Variants in TKT observed in about 807,000 individuals in gnomAD.
TKT encodes the protein epididymis luminal protein 107.
Under a neutral mutation model 63.9 loss-of-function variants are expected in TKT, and 47 were observed. The ratio of observed to expected loss-of-function variants is 0.74; its 90% confidence interval spans 0.58 to 0.94. TKT has a LOEUF of 0.94. Among genes scored for constraint, TKT ranks in the 40% least tolerant of loss-of-function variants. TKT has a pLI of 0.00. For synonymous variants in TKT, 338 were observed against 334.1 expected (o/e 1.01, Z -0.13); for missense variants, 721 against 846.2 (o/e 0.85, Z 1.84).
At chr3:53,234,881 T>G in intron 5 of TKT, 102 bp downstream of exon 5, 5 of 1,265,600 alleles carry the variant, frequency 4.0e-6, no homozygotes, top group Non-Finnish European at 5.4e-6. Context: ...TAGATGGTGC[T>G]TAAGGTCCCA....
chr3:53,228,160 CACAG>C lies in TKT; in HGVS notation c.1480-15_1480-12del. The stretch of plus-strand genomic sequence containing the variant: ...GCTCTTCAGGACCACCTGGGGGTGA[CACAG>C]AGGGTGAGTAAGGCTCAGGGCCCTG... On this transcript the variant is annotated splice_polypyrimidine_tract_variant and intron_variant, in intron 11 of 13. Transcript: ENST00000462138. 6.2e-7 allele frequency: 1 copy of C among 1,614,040 alleles called. No homozygotes were observed. The highest frequency in any genetic ancestry group is 8.5e-7 in the Non-Finnish European group (1 of 1,179,968).
chr3:53,229,799 G>A (rs1553676583), intron 8 of TKT, among the ~76,000 whole-genome samples: 1 of 152,168 alleles, frequency 6.6e-6, no homozygotes, highest in East Asian at 1.9e-4. Context: ...GCCCTGCAGA[G>A]CAGTCTCTGG....
chr3:53,233,435 CCA>C (rs1553677720), intron 5 of TKT, 161 bp from the exon 6 acceptor site: 1 of 507,648 alleles, frequency 2.0e-6, no homozygotes. Flanking sequence ...ATTCCTGTTT[CCA>C]GTTTGGGTTT....
intron 4 of TKT, among the ~76,000 whole-genome samples, chr3:53,238,866 C>T (rs932009082): frequency 4.6e-5 from 7 of 152,354 alleles, no homozygotes; most frequent in Admixed American, 4.6e-4. Context: ...CCCAATACAG[C>T]ACATGAGCAC....
intron 3 of TKT, among the ~76,000 whole-genome samples, 178 bp from the exon 4 acceptor site, chr3:53,240,526 G>T (rs565027405): frequency 4.6e-5 from 7 of 152,158 alleles, no homozygotes; most frequent in Admixed American, 2.0e-4. Flanking sequence ...ATAATTATAG[G>T]TTCAAATCCC....
chr3:53,241,811 C>A, intron 2 of TKT: 1 of 361,770 alleles, frequency 2.8e-6, no homozygotes, highest in Non-Finnish European at 5.3e-6. Context: ...GCCAGTCCTG[C>A]CTGTCAACAC....
chr3:53,228,281 CT>C lies in TKT; in HGVS notation c.1473del (p.Ala492ProfsTer5). Reference protein sequence around the residue: ...YNNNEDFQVGQAKVVLKSKDD... With the variant: ...YNNNEDFQVGXAKVVLKSKDD... ...GGGGCATGCGAGGCACTGACCTTGG[CT>C]TGTCCGACCTGGAAGTCCTCATTGT... On this transcript the variant is annotated frameshift_variant, in exon 11 of 14. Coordinates refer to ENST00000462138, the MANE Select transcript of TKT (RefSeq NM_001064.4). LOFTEE classifies it high-confidence loss of function. 2 of 1,614,226 alleles carry C rather than the reference CT, an allele frequency of 1.2e-6. No individual in the cohort carries two copies. The highest frequency in any genetic ancestry group is 1.7e-6 in the Non-Finnish European group (2 of 1,180,036).
chr3:53,240,864 A>G (rs1457953542), intron 3 of TKT, among the ~76,000 whole-genome samples: 1 of 152,190 alleles, frequency 6.6e-6, no homozygotes, highest in East Asian at 1.9e-4. Flanking sequence ...AAGGAGGCCC[A>G]GTGCAGAAGG....
In TKT at chr3:53,255,338, G is replaced by C. The variant is rs782204316; in HGVS notation, c.107+498C>G. Among the ~76,000 whole-genome samples the C allele has an allele frequency of 3.5e-4, 54 of 152,160 alleles. 2 individuals carry two copies. The highest frequency in any genetic ancestry group is 3.2e-3 in the Middle Eastern group (1 of 316). ...AGTCGGACTGCTGGGGCTCAAATCA[G>C]ATCTCCCTGTGTGTAACTTTGGGTA... On this transcript the variant is annotated intron_variant, in intron 1 of 13. Coordinates refer to ENST00000462138, the MANE Select transcript of TKT (RefSeq NM_001064.4).
rs1420595472 is a variant in TKT at position 53,230,536 on chromosome 3, T to C, written c.1028A>G (p.Lys343Arg). 12 of 1,614,088 alleles carry C rather than the reference T, an allele frequency of 7.4e-6. No homozygotes were observed. The highest frequency in any genetic ancestry group is 9.3e-6 in the Non-Finnish European group (11 of 1,180,042). The change falls in exon 8 of 14, where the codon AAA becomes AGA. Residue 343 changes from lysine (K) to arginine (R), a missense_variant. By Grantham distance (26) the Lys-to-Arg change is conservative. Transcript: ENST00000462138. Reference sequence around the variant, plus strand: ...GAAGATCTCCGAGAAGGTGGAATTTTTGGTGTCCCCATCCAGGGCGATGAT... The same window carrying C: ...GAAGATCTCCGAGAAGGTGGAATTTCTGGTGTCCCCATCCAGGGCGATGAT... ...DRIIALDGDT[K>R]NSTFSEIFKK...
intron 4 of TKT, 74 bp downstream of exon 4, chr3:53,240,177 A>G: frequency 7.1e-7 from 1 of 1,415,470 alleles, no homozygotes. Context: ...TCTGGGGGCG[A>G]TGGTGAAGGG....
rs560329055 is a variant in TKT at position 53,225,482 on chromosome 3, G to T, written c.*274C>A. The T allele has an allele frequency of 1.3e-4, 43 of 320,194 alleles. No individual in the cohort carries two copies. The highest frequency in any genetic ancestry group is 8.9e-4 in the African/African-American group (42 of 47,208). The allele number at this position is 320,194 out of a possible 1,614,324, so 19.8% of individuals were successfully genotyped here. A position where few individuals can be genotyped will look rare whatever the true frequency, so the allele number is the denominator to read the frequency against. ...TGGTGATGAATGGGAGGCAGCGATAGTTCTGGAGGTTGAGGGCAGTTGCAG... is the reference window on the plus strand; with the variant it reads ...TGGTGATGAATGGGAGGCAGCGATATTTCTGGAGGTTGAGGGCAGTTGCAG... On this transcript the variant is annotated 3_prime_UTR_variant, in exon 14 of 14. Coordinates refer to ENST00000462138, the MANE Select transcript of TKT (RefSeq NM_001064.4).
chr3:53,249,990 T>G (rs1369790435), intron 1 of TKT, among the ~76,000 whole-genome samples: 1 of 152,110 alleles, frequency 6.6e-6, no homozygotes, highest in Non-Finnish European at 1.5e-5. Flanking sequence ...CGGACATCAG[T>G]TAGAGTCCAT....
At chr3:53,226,564 G>T in intron 13 of TKT, 192 bp downstream of exon 13, 1 of 683,770 alleles carries the variant, frequency 1.5e-6, no homozygotes, top group Non-Finnish European at 2.4e-6. Context: ...CTCATCAGCA[G>T]CTGTGAGTTA....
chr3:53,225,858 G>A lies in TKT; in HGVS notation c.1770C>T (p.Asn590=). The part of the protein sequence containing the change: ...PGITVTHLAV[N]RVPRSGKPAE... Reference sequence around the variant, plus strand: ...CCGGCTTCCCACTTCTTGGTACCCGGTTAACTGCCAGGTGGGTGACAGTGA... The same window carrying A: ...CCGGCTTCCCACTTCTTGGTACCCGATTAACTGCCAGGTGGGTGACAGTGA... The change falls in exon 14 of 14, where the codon AAC becomes AAT. Residue 590 remains asparagine (N), a synonymous_variant. Coordinates refer to ENST00000462138, the MANE Select transcript of TKT (RefSeq NM_001064.4). 1 of 1,614,088 alleles carries A rather than the reference G, an allele frequency of 6.2e-7. No individual in the cohort carries two copies. The highest frequency in any genetic ancestry group is 8.5e-7 in the Non-Finnish European group (1 of 1,179,994).
intron 1 of TKT, among the ~76,000 whole-genome samples, chr3:53,248,957 G>T (rs1296086899): frequency 6.6e-6 from 1 of 151,960 alleles, no homozygotes; most frequent in African/African-American, 2.4e-5. Flanking sequence ...CTAGAAATTT[G>T]TTTTTATTTT....
chr3:53,230,590 A>G lies in TKT; in HGVS notation c.974T>C (p.Leu325Pro). ...GTCACTGGCATGGCCCAGCTTGGCCAGTGCCTGCCCGTAGGCCTTGCGGGT... is the reference window on the plus strand; with the variant it reads ...GTCACTGGCATGGCCCAGCTTGGCCGGTGCCTGCCCGTAGGCCTTGCGGGT... ...IATRKAYGQA[L>P]AKLGHASDRI... is the part of the protein sequence containing the mutation. The change falls in exon 8 of 14, where the codon CTG (leucine) becomes CCG (proline). Residue 325 changes from leucine to proline, a missense_variant. Transcript: ENST00000462138. 6.2e-7 allele frequency: 1 copy of G among 1,614,216 alleles called. No homozygotes were observed. Among genetic ancestry groups the G allele is most frequent in the Non-Finnish European group, 8.5e-7 (1 of 1,180,034 alleles).
intron 1 of TKT, among the ~76,000 whole-genome samples, chr3:53,248,279 T>G (rs1347155691): frequency 6.6e-6 from 1 of 152,094 alleles, no homozygotes; most frequent in African/African-American, 2.4e-5. Flanking sequence ...AGCAAAATGC[T>G]AAGAAAAACT....
rs561255887 is a variant in TKT, at chr3:53,244,048, C to T, written c.108-1806G>A. On this transcript the variant is annotated intron_variant, in intron 1 of 13. Transcript: ENST00000462138. ...TTTCTGTGTGTGGCAGAAGCACACC[C>T]AGGCCCAGATAGAGTAAACGTGGAG... is the stretch of plus-strand genomic sequence containing the variant. Among the ~76,000 whole-genome samples the T allele has an allele frequency of 3.3e-5, 5 of 152,316 alleles. No homozygotes were observed. The South Asian group carries it at 8.3e-4, about 25-fold the overall frequency.
Sources: allele counts gnomAD v4.1 joint callset (sites outside exome capture counted in the v4.1 genomes callset), GRCh38; gene constraint gnomAD v4.1.1; transcripts MANE v1.5; gene names NCBI Gene and HGNC (gene_info 2026-07-23, HGNC 2026-07-21).